Variants in MEOX1 observed in about 807,000 individuals in gnomAD.
MEOX1 encodes mesenchyme homeobox 1.
MEOX1 carries 17 observed loss-of-function variants against 23.2 expected under a neutral mutation model. The ratio of observed to expected loss-of-function variants is 0.73; its 90% CI spans 0.50 to 1.10. MEOX1 has a LOEUF of 1.10. Ranked by LOEUF, MEOX1 falls within the 50% of genes least tolerant of loss-of-function variation. The pLI is 0.00. For synonymous variants in MEOX1, 134 were observed against 135.1 expected, an observed-to-expected ratio of 0.99 and a Z score of 0.06; for missense variants, 333 against 332.2, an observed-to-expected ratio of 1.00 and a Z score of -0.02.
At chr17:43,660,414 T>G (rs186905045) in intron 1 of MEOX1, among the ~76,000 whole-genome samples, 1 of 152,302 alleles carries the variant, frequency 6.6e-6, no homozygotes. Context: ...GATCTCAGCA[T>G]GCTGAGTTGT....
In MEOX1 at chr17:43,661,224, C is replaced by T; in HGVS notation, c.311G>A (p.Arg104Lys). 1.2e-6 allele frequency: 2 copies of T among 1,609,402 alleles called. No individual in the cohort carries two copies. The highest frequency in any genetic ancestry group is 1.1e-5 in the South Asian group (1 of 90,106). The change falls in exon 1 of 3, where the codon AGG (arginine) becomes AAG (lysine). Residue 104 changes from arginine (R) to lysine (K), a missense_variant. Arg to Lys is a conservative substitution (Grantham distance 26, BLOSUM62 2). Transcript: ENST00000318579. ...WHFPVSDARR[R>K]PNSGPAGGSK... ...ACCCCCTGCCGGGCCTGAGTTGGGC[C>T]TGCGCCGGGCGTCTGAGACAGGGAA...
intron 1 of MEOX1, among the ~76,000 whole-genome samples, chr17:43,645,859 C>T (rs1400572266): frequency 1.3e-5 from 2 of 152,260 alleles, no homozygotes; most frequent in Admixed American, 6.5e-5. Context: ...CCCCGTCCTC[C>T]GCCTCCGCGC....
chr17:43,646,136 G>A (rs985991214), intron 1 of MEOX1, among the ~76,000 whole-genome samples: 2 of 152,176 alleles, frequency 1.3e-5, no homozygotes, highest in African/African-American at 4.8e-5. Context: ...CAGGGCAGGG[G>A]GCCGAGTTCC....
intron 1 of MEOX1, among the ~76,000 whole-genome samples, chr17:43,657,479 G>T (rs536451581): frequency 6.6e-6 from 1 of 151,994 alleles, no homozygotes; most frequent in East Asian, 1.9e-4. Flanking sequence ...GAGCCACCGC[G>T]CCCGGCCAAC....
At chr17:43,644,831 G>A (rs763616077) in intron 1 of MEOX1, among the ~76,000 whole-genome samples, 7 of 152,134 alleles carry the variant, frequency 4.6e-5, no homozygotes, top group Non-Finnish European at 8.8e-5. Flanking sequence ...CAGGAGAATC[G>A]CTTGAACCCA....
chr17:43,661,266 T>C lies in MEOX1; in HGVS notation c.269A>G (p.Gln90Arg), dbSNP rs1332489717. 1.9e-6 allele frequency: 3 copies of C among 1,609,660 alleles called. No homozygotes were observed. The highest frequency in any genetic ancestry group is 1.7e-5 in the Admixed American group (1 of 59,762). Residue 90 changes from glutamine to arginine, a missense_variant, in exon 1 of 3, where the codon CAG becomes CGG. Gln to Arg is a conservative substitution (Grantham distance 43, BLOSUM62 1). Coordinates refer to ENST00000318579, the MANE Select transcript of MEOX1 (RefSeq NM_004527.4). ...GACAGGGAAGTGCCAGTTGGGGGAC[T>C]GTGGGAAAGCGGGGTGCTGCTCAGT... Reference protein sequence around the residue: ...IFTEQHPAFPQSPNWHFPVSD... With the variant: ...IFTEQHPAFPRSPNWHFPVSD...
In MEOX1 at chr17:43,652,825, C is replaced by CTTTT. The variant is rs397856379; in HGVS notation, c.469+8237_469+8240dup. On this transcript the variant is annotated intron_variant, in intron 1 of 2. Coordinates refer to ENST00000318579, the MANE Select transcript of MEOX1 (RefSeq NM_004527.4). Reference sequence around the variant, plus strand: ...TATTTCATTCTCATCTCTACTATTGCTTTTTTTTTTTTTTTTTTTTTTTTG... The same window carrying CTTTT: ...TATTTCATTCTCATCTCTACTATTGCTTTTTTTTTTTTTTTTTTTTTTTTTTTTG... 1.3e-3 allele frequency among the ~76,000 whole-genome samples: 95 copies of CTTTT among 71,102 alleles called. 2 individuals carry two copies. Among genetic ancestry groups the CTTTT allele is most frequent in the South Asian group, 2.1e-3 (3 of 1,428 alleles). The allele number at this position is 71,102 out of a possible 152,430, so 46.6% of individuals were successfully genotyped here. A position where few individuals can be genotyped will look rare whatever the true frequency, so the allele number is the denominator to read the frequency against.
rs1259342239 is a variant in MEOX1 at position 43,641,952 on chromosome 17, G to T, written c.723C>A (p.Asp241Glu). 1.2e-6 allele frequency: 2 copies of T among 1,614,020 alleles called. No individual in the cohort carries two copies. Among genetic ancestry groups the T allele is most frequent in the South Asian group, 1.1e-5 (1 of 91,074 alleles). The change falls in exon 3 of 3, where the codon GAC becomes GAA. Residue 241 changes from aspartate to glutamate, a missense_variant. Asp to Glu is a conservative substitution (Grantham distance 45, BLOSUM62 2). Transcript: ENST00000318579. ...GGQPISPNGQ[D>E]PEDGDSTASP... ...AGGCTGTGGAGTCCCCATCCTCAGGGTCCTGCCCATTGGGGGAGATGGGCT... is the reference window on the plus strand; with the variant it reads ...AGGCTGTGGAGTCCCCATCCTCAGGTTCCTGCCCATTGGGGGAGATGGGCT...
At chr17:43,644,288 C>T (rs1033931309) in intron 1 of MEOX1, among the ~76,000 whole-genome samples, 1 of 152,240 alleles carries the variant, frequency 6.6e-6, no homozygotes, top group Non-Finnish European at 1.5e-5. Context: ...GGATCTCAGG[C>T]CTGCCCCAGA....
At chr17:43,646,385 GGA>G (rs1372529977) in intron 1 of MEOX1, among the ~76,000 whole-genome samples, 4 of 152,218 alleles carry the variant, frequency 2.6e-5, no homozygotes, top group Non-Finnish European at 5.9e-5. Flanking sequence ...CCACGGGCCC[GGA>G]GAGAGGCAGG....
chr17:43,641,924 G>T lies in MEOX1; in HGVS notation c.751C>A (p.Pro251Thr). The part of the protein sequence containing the change: ...DPEDGDSTAS[P>T]SSE ...CATGCAGAATCTCACTCTGAACTTG[G>T]AGAGGCTGTGGAGTCCCCATCCTCA... Residue 251 changes from proline (P) to threonine (T), a missense_variant, in exon 3 of 3, where the codon CCA (proline) becomes ACA (threonine). Coordinates refer to ENST00000318579, the MANE Select transcript of MEOX1 (RefSeq NM_004527.4). 1 of 1,613,394 alleles carries T rather than the reference G, an allele frequency of 6.2e-7. No individual in the cohort carries two copies. The highest frequency in any genetic ancestry group is 8.5e-7 in the Non-Finnish European group (1 of 1,179,734).
At position 43,643,783 on chromosome 17, in the gene MEOX1, A is replaced by G. The variant is rs1041758924; in HGVS notation, c.470-123T>C. 2.2e-5 allele frequency: 15 copies of G among 672,896 alleles called. No homozygotes were observed. In the African/African-American group the frequency reaches 2.7e-4, roughly 12 times the overall value. The allele number at this position is 672,896 out of a possible 1,614,324, so 41.7% of individuals were successfully genotyped here. On this transcript the variant is annotated intron_variant, in intron 1 of 2. Transcript: ENST00000318579. ...CCTTATTTTTACAGGATGCTGAGAA[A>G]AAAGCTACACTGTCCTTTTTATTCC...
intron 1 of MEOX1, 79 bp from the exon 2 acceptor site, chr17:43,643,739 G>C: frequency 8.4e-7 from 1 of 1,183,692 alleles, no homozygotes; most frequent in Non-Finnish European, 1.2e-6. Context: ...TGAGCAACTA[G>C]GCAGTCTTTA....
intron 1 of MEOX1, among the ~76,000 whole-genome samples, chr17:43,659,646 C>T (rs753684204): frequency 2.0e-5 from 3 of 152,188 alleles, no homozygotes; most frequent in Admixed American, 6.5e-5. Context: ...TGGAGATGAG[C>T]TGCTCACTCT....
chr17:43,645,830 T>C (rs1269176656), intron 1 of MEOX1, among the ~76,000 whole-genome samples: 2 of 152,166 alleles, frequency 1.3e-5, no homozygotes, highest in Non-Finnish European at 2.9e-5. Context: ...TTCCACTCAA[T>C]CCCTTTGTAT....
At chr17:43,645,015 A>G (rs1449967734) in intron 1 of MEOX1, among the ~76,000 whole-genome samples, 2 of 152,166 alleles carry the variant, frequency 1.3e-5, no homozygotes, top group African/African-American at 4.8e-5. Context: ...AGGCAGCTCT[A>G]CCTTCACTTT....
intron 1 of MEOX1, among the ~76,000 whole-genome samples, chr17:43,649,642 A>G (rs1319601075): frequency 5.9e-5 from 9 of 152,096 alleles, no homozygotes; most frequent in Non-Finnish European, 8.8e-5. Context: ...GAGTTCCACA[A>G]TTCCAGGCAC....
chr17:43,643,674 A>T lies in MEOX1; in HGVS notation c.470-14T>A. ...TCTCCTGGTTGTCTGGGGAGAGAGG[A>T]CCCCAAACAGGAAGACATGGGCTGA... On this transcript the variant is annotated splice_polypyrimidine_tract_variant and intron_variant, in intron 1 of 2. Transcript: ENST00000318579. The T allele has an allele frequency of 6.2e-7, 1 of 1,608,678 alleles. No individual in the cohort carries two copies. Among genetic ancestry groups the T allele is most frequent in the Non-Finnish European group, 8.5e-7 (1 of 1,177,590 alleles).
rs372729902 is a variant in MEOX1, at chr17:43,661,535, C to A, written c.-1G>T. 4.6e-6 allele frequency: 7 copies of A among 1,534,696 alleles called. No homozygotes were observed. In the African/African-American group the frequency reaches 9.7e-5, roughly 21 times the overall value. On this transcript the variant is annotated 5_prime_UTR_variant, in exon 1 of 3. Coordinates refer to ENST00000318579, the MANE Select transcript of MEOX1 (RefSeq NM_004527.4). ...TGCAGCTGCTGGCCGCGGGATCCAT[C>A]TGCTGTCCGCTGCACGCCTCGGTCC...
Sources: allele counts gnomAD v4.1 joint callset (sites outside exome capture counted in the v4.1 genomes callset), GRCh38; gene constraint gnomAD v4.1.1; transcripts MANE v1.5; gene names NCBI Gene and HGNC (gene_info 2026-07-23, HGNC 2026-07-21).